TTC16: variants seen among roughly 807,000 people sequenced by gnomAD.
TTC16 encodes tetratricopeptide repeat protein 16.
A neutral mutation model predicts 80.4 loss-of-function variants in TTC16; 66 were observed. The observed-to-expected ratio is 0.82, with a 90% CI of 0.67 to 1.01. The LOEUF (loss-of-function observed/expected upper bound fraction) is 1.01, where lower values mean the gene tolerates loss of function less well. Ranked by LOEUF, TTC16 falls within the 50% of genes least tolerant of loss-of-function variation. The pLI, the probability that TTC16 is intolerant of heterozygous loss-of-function variation, is 0.00. For missense variants in TTC16, 1,070 were observed against 1,103.2 expected, an observed-to-expected ratio of 0.97 and a Z score of 0.43; for synonymous variants, 438 against 451.3, an observed-to-expected ratio of 0.97 and a Z score of 0.37.
intron 1 of TTC16, 25 bp downstream of exon 1, chr9:127,716,188 G>A (rs759405062): frequency 1.9e-6 from 3 of 1,613,830 alleles, no homozygotes. Flanking sequence ...GAAGACTAAC[G>A]CAAAGGCAGA....
rs748135059 is a variant in TTC16 at position 127,731,021 on chromosome 9, C to T, written c.2238C>T (p.Ser746=). The T allele has an allele frequency of 3.1e-6, 5 of 1,612,976 alleles. No homozygotes were observed. Among genetic ancestry groups the T allele is most frequent in the Middle Eastern group, 1.6e-4 (1 of 6,062 alleles). ...TEATQGQRQS[S]SEIEATQGPR... is the part of the protein sequence containing the mutation. The stretch of plus-strand genomic sequence containing the variant: ...CCACTCAGGGCCAGAGGCAGAGCTC[C>T]AGCGAGATTGAGGCCACCCAGGGCC... The change falls in exon 14 of 14, where the codon TCC becomes TCT. Residue 746 remains serine, a synonymous_variant. Coordinates refer to ENST00000373289, the MANE Select transcript of TTC16 (RefSeq NM_144965.3).
chr9:127,725,495 T>G (rs1467012513), intron 9 of TTC16, among the ~76,000 whole-genome samples: 2 of 104,104 alleles, frequency 1.9e-5, no homozygotes, highest in Admixed American at 1.4e-4. Context: ...ACCCGGGAGG[T>G]GGAGCTTGCA....
In TTC16 at chr9:127,728,235, C is replaced by T. The variant is rs531106662; in HGVS notation, c.1764+770C>T. 1.1e-4 allele frequency: 17 copies of T among 152,414 alleles called. No individual in the cohort carries two copies. In the East Asian group the frequency reaches 2.7e-3, roughly 24 times the overall value. The allele number at this position is 152,414 out of a possible 1,614,324, so 9.4% of individuals were successfully genotyped here. ...CCCCTTCGAGGCCCCTCCCGTAACCCACCCCACCTACAAGGCTGTCTTGAT... is the reference window on the plus strand; with the variant it reads ...CCCCTTCGAGGCCCCTCCCGTAACCTACCCCACCTACAAGGCTGTCTTGAT... On this transcript the variant is annotated intron_variant, in intron 12 of 13. Transcript: ENST00000373289.
At chr9:127,729,354 T>C (rs554160) in intron 12 of TTC16, 309,079 of 501,268 alleles carry the variant, frequency 0.62, 98,781 homozygotes, top group African/African-American at 0.84. Context: ...CGCTAGCAGC[T>C]CCTTCAACAC....
chr9:127,726,492 G>C, intron 10 of TTC16, 88 bp downstream of exon 10: 1 of 1,401,094 alleles, frequency 7.1e-7, no homozygotes, highest in Non-Finnish European at 9.5e-7. Context: ...AATCTGGTTT[G>C]ATAACAATCA....
intron 8 of TTC16, 66 bp downstream of exon 8, chr9:127,724,430 A>C (rs752235025): frequency 3.6e-5 from 57 of 1,585,514 alleles, no homozygotes; most frequent in Non-Finnish European, 8.6e-7. Flanking sequence ...TAAGGCCCCC[A>C]CTGGGCACTT....
At chr9:127,717,806 C>A in intron 4 of TTC16, 34 bp downstream of exon 4, 1 of 1,595,578 alleles carries the variant, frequency 6.3e-7, no homozygotes, top group South Asian at 1.1e-5. Context: ...TGCAGGGCAC[C>A]CACCTCACAC....
chr9:127,726,520 G>C, intron 10 of TTC16, 116 bp downstream of exon 10: 1 of 1,202,242 alleles, frequency 8.3e-7, no homozygotes, highest in South Asian at 1.8e-5. Context: ...AGGCATGGTG[G>C]GTCATGCCTG....
rs768224239 is a variant in TTC16 at position 127,724,252 on chromosome 9, C to T, written c.1005C>T (p.Asn335=). 18 of 1,613,096 alleles carry T rather than the reference C, an allele frequency of 1.1e-5. No homozygotes were observed. In the South Asian group the frequency reaches 1.5e-4, roughly 14 times the overall value. Residue 335 remains asparagine, a synonymous_variant, in exon 8 of 14, where the codon AAC becomes AAT. Coordinates refer to ENST00000373289, the MANE Select transcript of TTC16 (RefSeq NM_144965.3). ...AGCGCCAGCTGTTGCTGACCTACAA[C>T]GACTTTGCCGTGCACTGCTACAGGC... ...QAQRQLLLTY[N]DFAVHCYRQG...
rs1278241229 is a variant in TTC16, at chr9:127,724,339, G to A, written c.1092G>A (p.Glu364=). The stretch of plus-strand genomic sequence containing the variant: ...AGGCCCTCCGGGACGAGCAGCAGGA[G>A]AAAGGACTCTACATCAACCGAGGCG... ...LNKALRDEQQ[E]KGLYINRGDC... is the part of the protein sequence containing the mutation. The change falls in exon 8 of 14, where the codon GAG becomes GAA. Residue 364 remains glutamate (E), a synonymous_variant. Transcript: ENST00000373289. 4 of 1,589,890 alleles carry A rather than the reference G, an allele frequency of 2.5e-6. No individual in the cohort carries two copies. The highest frequency in any genetic ancestry group is 2.6e-6 in the Non-Finnish European group (3 of 1,166,286).
chr9:127,731,553 TG>T lies in TTC16; in HGVS notation c.*149del. On this transcript the variant is annotated 3_prime_UTR_variant, in exon 14 of 14. Transcript: ENST00000373289. ...GTCCCACAGCTGAGTTTATTATACT[TG>T]TTTTCTTTTACAAAATTAAAAACAT... 7.0e-7 allele frequency: 1 copy of T among 1,421,338 alleles called. No individual in the cohort carries two copies. Among genetic ancestry groups the T allele is most frequent in the African/African-American group, 1.4e-5 (1 of 69,596 alleles). The allele number at this position is 1,421,338 out of a possible 1,614,324, so 88.0% of individuals were successfully genotyped here.
intron 10 of TTC16, 48 bp downstream of exon 10, chr9:127,726,452 T>C: frequency 6.8e-7 from 1 of 1,472,260 alleles, no homozygotes; most frequent in Non-Finnish European, 9.1e-7. Flanking sequence ...TCATGCCCGG[T>C]GCATAAAGAT....
At chr9:127,729,482 G>A in intron 12 of TTC16, 99 bp from the exon 13 acceptor site, 2 of 971,266 alleles carry the variant, frequency 2.1e-6, no homozygotes, top group East Asian at 2.5e-5. Context: ...CCAAGCTCAG[G>A]AGAATGACCA....
At chr9:127,729,844 G>A (rs374828542) in intron 13 of TTC16, 176 bp downstream of exon 13, 7 of 607,794 alleles carry the variant, frequency 1.2e-5, no homozygotes, top group South Asian at 7.6e-5. Flanking sequence ...TGCCCAGGAC[G>A]AGGTGAGGCT....
intron 8 of TTC16, 114 bp from the exon 9 acceptor site, chr9:127,724,641 CG>C: frequency 1.4e-6 from 2 of 1,386,038 alleles, no homozygotes; most frequent in Non-Finnish European, 1.9e-6. Context: ...GAGACTGCGG[CG>C]GGGGGTTATC....
intron 13 of TTC16, 93 bp downstream of exon 13, chr9:127,729,761 T>G: frequency 8.7e-7 from 1 of 1,148,322 alleles, no homozygotes; most frequent in East Asian, 2.4e-5. Flanking sequence ...TAGGTGTGCG[T>G]TCGGCCCCGC....
rs139574252 is a variant in TTC16 at position 127,716,926 on chromosome 9, A to C, written c.101A>C (p.His34Pro). The C allele has an allele frequency of 2.7e-5, 44 of 1,613,886 alleles. No homozygotes were observed. In the African/African-American group the frequency reaches 5.2e-4, roughly 19 times the overall value. ...VIPAPKGILQHIFGTSHVFQS... is the reference protein window; with the variant it reads ...VIPAPKGILQPIFGTSHVFQS... ...CCAGCCCCCAAAGGGATCCTGCAGC[A>C]CATCTTTGGGACCAGCCACGTGTTC... The change falls in exon 2 of 14, where the codon CAC becomes CCC. Residue 34 changes from histidine to proline, a missense_variant. His to Pro is a moderately conservative substitution (Grantham distance 77). Coordinates refer to ENST00000373289, the MANE Select transcript of TTC16 (RefSeq NM_144965.3).
Position 127,727,112 on chromosome 9 carries a change from G to C in TTC16, c.1568G>C (p.Gly523Ala). 2.5e-6 allele frequency: 4 copies of C among 1,594,240 alleles called. 1 individual carries two copies. The highest frequency in any genetic ancestry group is 2.6e-6 in the Non-Finnish European group (3 of 1,169,330). ...LQAGSPQGIV[G>A]MLKRHELERQ... Reference sequence around the variant, plus strand: ...GCCGGCAGCCCACAAGGCATTGTGGGGTAAGCCCTGGAGCAAGGGGCACAG... The same window carrying C: ...GCCGGCAGCCCACAAGGCATTGTGGCGTAAGCCCTGGAGCAAGGGGCACAG... The change falls in exon 11 of 14, where the codon GGG (glycine) becomes GCG (alanine). Residue 523 changes from glycine to alanine, a missense_variant and splice_region_variant. By Grantham distance (60) the Gly-to-Ala change is moderately conservative. Coordinates refer to ENST00000373289, the MANE Select transcript of TTC16 (RefSeq NM_144965.3).
intron 4 of TTC16, among the ~76,000 whole-genome samples, chr9:127,719,535 C>G (rs988432568): frequency 1.3e-5 from 2 of 152,200 alleles, no homozygotes; most frequent in African/African-American, 4.8e-5. Flanking sequence ...CTCTGTCACC[C>G]AGGCTGGAGG....
Sources: gnomAD v4.1 joint callset for allele counts (sites outside exome capture counted in the v4.1 genomes callset) on GRCh38, gnomAD v4.1.1 for gene constraint, MANE v1.5 for transcripts, NCBI Gene and HGNC (gene_info 2026-07-23, HGNC 2026-07-21) for gene names.